Variants in PSMC1 observed in about 807,000 individuals in gnomAD.
PSMC1 encodes 26S proteasome regulatory subunit 4.
In PSMC1, 5 loss-of-function variants were observed where a neutral mutation model predicts 49.8. The ratio of observed to expected loss-of-function variants is 0.10; its 90% CI spans 0.05 to 0.21. PSMC1 has a LOEUF of 0.21. Ranked by LOEUF, PSMC1 falls within the 10% of genes least tolerant of loss-of-function variation. The probability of loss-of-function intolerance (pLI) is 1.00; values close to 1 mark genes in which losing one functional copy is unlikely to be tolerated. For missense variants in PSMC1, 181 were observed against 535.7 expected, an observed-to-expected ratio of 0.34 and a Z score of 6.54; for synonymous variants, 155 against 192.1, an observed-to-expected ratio of 0.81 and a Z score of 1.60.
At chr14:90,257,340 CA>C (rs1249832505) in intron 1 of PSMC1, among the ~76,000 whole-genome samples, 6 of 152,106 alleles carry the variant, frequency 3.9e-5, no homozygotes, top group East Asian at 1.9e-4. Flanking sequence ...AATATGATGT[CA>C]GGGGTGGGGT....
chr14:90,257,165 T>C (rs377398714), intron 1 of PSMC1, among the ~76,000 whole-genome samples: 6 of 151,928 alleles, frequency 3.9e-5, no homozygotes, highest in African/African-American at 1.5e-4. Flanking sequence ...AGCTAGCATT[T>C]ATTCATCAAT....
At chr14:90,266,218 G>T (rs1188614982) in intron 7 of PSMC1, among the ~76,000 whole-genome samples, 1 of 151,484 alleles carries the variant, frequency 6.6e-6, no homozygotes, top group African/African-American at 2.4e-5. Context: ...TCGTGCCACT[G>T]CACTCCAGCC....
rs541264080 is a variant in PSMC1, at chr14:90,273,335, G to T, written c.*928G>T. The T allele has an allele frequency of 6.6e-6, 1 of 152,148 alleles. No homozygotes were observed. The highest frequency in any genetic ancestry group is 6.6e-5 in the Admixed American group (1 of 15,264). The allele number at this position is 152,148 out of a possible 1,614,324, so 9.4% of individuals were successfully genotyped here. ...AGCACTTTGGGAAGCTGAGGCAGGC[G>T]GATCACAAGGTCAGAAGTTTGAGGC... On this transcript the variant is annotated 3_prime_UTR_variant, in exon 11 of 11. Transcript: ENST00000261303.
At chr14:90,271,438 T>C (rs1185291476) in intron 10 of PSMC1, 1 of 152,214 alleles carries the variant, frequency 6.6e-6, no homozygotes, top group Non-Finnish European at 1.5e-5. Context: ...ACATGGGTTA[T>C]TGTTTTCTTT....
Position 90,269,788 on chromosome 14 carries a change from C to T in PSMC1, c.1033+240C>T, listed in dbSNP as rs550332472. On this transcript the variant is annotated intron_variant, in intron 9 of 10. Coordinates refer to ENST00000261303, the MANE Select transcript of PSMC1 (RefSeq NM_002802.3). ...CTTGTCTTTTCTTTTCCATAACATT[C>T]CCTTTTTAGCCTCAAGAACTTGCTG... is the stretch of plus-strand genomic sequence containing the variant. 261 of 432,576 alleles carry T rather than the reference C, an allele frequency of 6.0e-4. 1 individual carries two copies. Among genetic ancestry groups the T allele is most frequent in the African/African-American group, 5.0e-3 (248 of 49,510 alleles). The allele number at this position is 432,576 out of a possible 1,614,324, so 26.8% of individuals were successfully genotyped here. A position where few individuals can be genotyped will look rare whatever the true frequency, so the allele number is the denominator to read the frequency against.
intron 6 of PSMC1, 64 bp downstream of exon 6, chr14:90,264,233 C>T (rs978137865): frequency 1.0e-4 from 160 of 1,591,776 alleles, no homozygotes; most frequent in Middle Eastern, 3.3e-4. Context: ...ATTTAGGATA[C>T]TTTGCAGGTG....
rs2139655368 is a variant in PSMC1 at position 90,273,455 on chromosome 14, G to A, written c.*1048G>A. ...TGCCTGTAGTCCCAGCTACTCAGGA[G>A]GCTGAGGCAGGACAATCGCTTGAAC... On this transcript the variant is annotated 3_prime_UTR_variant, in exon 11 of 11. Coordinates refer to ENST00000261303, the MANE Select transcript of PSMC1 (RefSeq NM_002802.3). The A allele has an allele frequency of 1.3e-5, 2 of 152,364 alleles. No homozygotes were observed. Among genetic ancestry groups the A allele is most frequent in the South Asian group, 4.1e-4 (2 of 4,822 alleles). 9.4% of individuals were successfully genotyped at this position (152,364 alleles called of 1,614,324 possible).
At chr14:90,262,992 A>G (rs1487272396) in intron 3 of PSMC1, among the ~76,000 whole-genome samples, 1 of 152,210 alleles carries the variant, frequency 6.6e-6, no homozygotes, top group Non-Finnish European at 1.5e-5. Context: ...ACTTTTTATT[A>G]GTACCTATGG....
chr14:90,270,001 T>C (rs575483706), intron 9 of PSMC1, 197 bp from the exon 10 acceptor site: 11 of 583,444 alleles, frequency 1.9e-5, no homozygotes, highest in African/African-American at 1.9e-4. Flanking sequence ...GAGAGTTTCT[T>C]TTAAATGAAG....
chr14:90,271,929 G>T, intron 10 of PSMC1: 1 of 143,702 alleles, frequency 7.0e-6, no homozygotes, highest in Non-Finnish European at 1.5e-5. Flanking sequence ...AGTTTCGCTC[G>T]TTGCTCAGGC....
At chr14:90,269,936 C>T (rs2139651637) in intron 9 of PSMC1, 1 of 459,008 alleles carries the variant, frequency 2.2e-6, no homozygotes, top group African/African-American at 2.0e-5. Context: ...ATAGGTCTGC[C>T]CAGTTTCACT....
Sources: allele counts gnomAD v4.1 joint callset (sites outside exome capture counted in the v4.1 genomes callset), GRCh38; gene constraint gnomAD v4.1.1; transcripts MANE v1.5; gene names NCBI Gene and HGNC (gene_info 2026-07-23, HGNC 2026-07-21).